CERKL: variants seen among roughly 807,000 people sequenced by gnomAD.
The protein encoded by CERKL is CERK like autophagy regulator.
In CERKL, 61 loss-of-function variants were observed where a neutral mutation model predicts 63.4. The observed-to-expected ratio is 0.96, with a 90% confidence interval of 0.78 to 1.19. The LOEUF (loss-of-function observed/expected upper bound fraction) is 1.19, where lower values mean the gene tolerates loss of function less well. Among genes scored for constraint, CERKL ranks in the 50% most tolerant of loss-of-function variants. CERKL has a pLI of 0.00. For synonymous variants in CERKL, 250 were observed against 230.5 expected (o/e 1.08, Z -0.77); for missense variants, 675 against 655.5 (o/e 1.03, Z -0.33).
chr2:181,654,370 C>T (rs1243389470), intron 1 of CERKL, among the ~76,000 whole-genome samples: 1 of 152,174 alleles, frequency 6.6e-6, no homozygotes, highest in Non-Finnish European at 1.5e-5. Flanking sequence ...CCAATTTTGG[C>T]AGTCAGAGCC....
intron 1 of CERKL, among the ~76,000 whole-genome samples, chr2:181,642,602 A>T (rs1354449443): frequency 6.6e-6 from 1 of 152,200 alleles, no homozygotes; most frequent in Non-Finnish European, 1.5e-5. Context: ...TCACTGCTCT[A>T]ATTCAGCTGA....
intron 3 of CERKL, among the ~76,000 whole-genome samples, chr2:181,566,899 A>T (rs1165977005): frequency 6.6e-6 from 1 of 152,086 alleles, no homozygotes; most frequent in Non-Finnish European, 1.5e-5. Context: ...CCCATCAAAG[A>T]TTTCTGCTGA....
chr2:181,632,108 T>A (rs1167204242), intron 1 of CERKL, among the ~76,000 whole-genome samples: 1 of 152,226 alleles, frequency 6.6e-6, no homozygotes, highest in Non-Finnish European at 1.5e-5. Flanking sequence ...CTAGTTTTTG[T>A]ATCTTTGCCT....
chr2:181,611,155 G>A (rs1477714397), intron 1 of CERKL, among the ~76,000 whole-genome samples: 2 of 151,906 alleles, frequency 1.3e-5, no homozygotes, highest in African/African-American at 2.4e-5. Context: ...CCCAGGAGGC[G>A]GAGGTTGCAG....
At chr2:181,594,977 A>G (rs772205888) in intron 2 of CERKL, among the ~76,000 whole-genome samples, 1 of 152,176 alleles carries the variant, frequency 6.6e-6, no homozygotes, top group South Asian at 2.1e-4. Flanking sequence ...CCTAATTTAA[A>G]GTATTATGTA....
rs374128541 is a variant in CERKL, at chr2:181,537,913, A to G, written c.*271T>C. On this transcript the variant is annotated 3_prime_UTR_variant, in exon 13 of 13. Transcript: ENST00000410087. ...GCATTACTGAGTTCCTCCCCCTGTC[A>G]GATCAGCAGCAGCATTAGATTCTCA... is the stretch of plus-strand genomic sequence containing the variant. 23 of 577,076 alleles carry G rather than the reference A, an allele frequency of 4.0e-5. No homozygotes were observed. Among genetic ancestry groups the G allele is most frequent in the African/African-American group, 2.8e-4 (15 of 54,426 alleles). 35.7% of individuals were successfully genotyped at this position (577,076 alleles called of 1,614,324 possible). A position where few individuals can be genotyped will look rare whatever the true frequency, so the allele number is the denominator to read the frequency against.
chr2:181,556,021 G>A (rs988383839), intron 5 of CERKL, among the ~76,000 whole-genome samples: 1 of 151,746 alleles, frequency 6.6e-6, no homozygotes, highest in African/African-American at 2.4e-5. Flanking sequence ...CAAAGTGCTG[G>A]GATTACAGGT....
intron 3 of CERKL, among the ~76,000 whole-genome samples, chr2:181,568,046 G>A (rs1362540872): frequency 6.6e-6 from 1 of 152,158 alleles, no homozygotes; most frequent in Admixed American, 6.6e-5. Flanking sequence ...ACAGTTTACA[G>A]GTCTTTGAAC....
intron 1 of CERKL, among the ~76,000 whole-genome samples, chr2:181,634,421 T>C (rs1416792224): frequency 6.6e-6 from 1 of 152,182 alleles, no homozygotes; most frequent in Non-Finnish European, 1.5e-5. Context: ...CAACACATTA[T>C]GTTGCAACAG....
Position 181,537,119 on chromosome 2 carries a change from A to AT in CERKL, c.*1064dup. On this transcript the variant is annotated 3_prime_UTR_variant, in exon 13 of 13. Transcript: ENST00000410087. ...GGAATAAACTTTATGACATTTATGT[A>AT]TTTTTAAAAAACTTTGTATCGTTAT... 1 of 453,052 alleles carries AT rather than the reference A, an allele frequency of 2.2e-6. No individual in the cohort carries two copies. Among genetic ancestry groups the AT allele is most frequent in the Non-Finnish European group, 4.4e-6 (1 of 226,506 alleles). 28.1% of individuals were successfully genotyped at this position (453,052 alleles called of 1,614,324 possible).
intron 11 of CERKL, among the ~76,000 whole-genome samples, chr2:181,544,369 A>AT (rs1468889476): frequency 2.6e-5 from 4 of 152,122 alleles, no homozygotes; most frequent in Non-Finnish European, 4.4e-5. Context: ...AAACTCTCAA[A>AT]TTTCACTTCT....
intron 3 of CERKL, 73 bp downstream of exon 3, chr2:181,573,680 A>T: frequency 1.4e-6 from 2 of 1,423,460 alleles, no homozygotes; most frequent in Non-Finnish European, 2.0e-6. Flanking sequence ...AGTTTGCATT[A>T]AGGACAAATT....
intron 1 of CERKL, among the ~76,000 whole-genome samples, chr2:181,616,597 T>C (rs1366127834): frequency 6.6e-6 from 1 of 152,222 alleles, no homozygotes; most frequent in Non-Finnish European, 1.5e-5. Flanking sequence ...ATTAAAAATG[T>C]TAAATTACAT....
chr2:181,597,969 T>C (rs1273679722), intron 2 of CERKL, among the ~76,000 whole-genome samples: 1 of 152,020 alleles, frequency 6.6e-6, no homozygotes, highest in Non-Finnish European at 1.5e-5. Flanking sequence ...TGCCAATCGC[T>C]AAAGGGGGCA....
At chr2:181,575,556 CAAGAG>C (rs1278312828) in intron 2 of CERKL, among the ~76,000 whole-genome samples, 2 of 152,084 alleles carry the variant, frequency 1.3e-5, no homozygotes, top group East Asian at 3.9e-4. Context: ...GAAAAGGCTT[CAAGAG>C]AAGGGAGTAT....
chr2:181,589,480 G>A (rs1030847282), intron 2 of CERKL, among the ~76,000 whole-genome samples: 3 of 152,084 alleles, frequency 2.0e-5, no homozygotes, highest in African/African-American at 7.2e-5. Context: ...GAAGCTTTAC[G>A]CCTATGTTTT....
At position 181,615,009 on chromosome 2, in the gene CERKL, G is replaced by A. The variant is rs537965696; in HGVS notation, c.239-10930C>T. On this transcript the variant is annotated intron_variant, in intron 1 of 12. Transcript: ENST00000410087. ...GTGGTTTATTATTTGAAATCTACTGGTTCATTAGTATCATACTGGTTATAG... is the reference window on the plus strand; with the variant it reads ...GTGGTTTATTATTTGAAATCTACTGATTCATTAGTATCATACTGGTTATAG... Among the ~76,000 whole-genome samples the A allele has an allele frequency of 5.7e-4, 86 of 152,154 alleles. No individual in the cohort carries two copies. The Middle Eastern group carries it at 0.02, about 36-fold the overall frequency.
At chr2:181,589,916 C>G (rs1684919658) in intron 2 of CERKL, among the ~76,000 whole-genome samples, 1 of 152,078 alleles carries the variant, frequency 6.6e-6, no homozygotes, top group Admixed American at 6.6e-5. Flanking sequence ...CCTTGACCTC[C>G]CCAGGCTCAT....
Position 181,624,407 on chromosome 2 carries a change from T to C in CERKL, c.239-20328A>G, listed in dbSNP as rs1180795387. Among the ~76,000 whole-genome samples the C allele has an allele frequency of 2.0e-5, 3 of 151,044 alleles. No homozygotes were observed. The East Asian group carries it at 5.8e-4, about 29-fold the overall frequency. On this transcript the variant is annotated intron_variant, in intron 1 of 12. Coordinates refer to ENST00000410087, the MANE Select transcript of CERKL (RefSeq NM_201548.5). The stretch of plus-strand genomic sequence containing the variant: ...AAAAAATTAGTCAAGTGTGGTTGTG[T>C]GCCTGTAGTCCTAGCTACTGGAGAA...
Sources: gnomAD v4.1 joint callset for allele counts (sites outside exome capture counted in the v4.1 genomes callset) on GRCh38, gnomAD v4.1.1 for gene constraint, MANE v1.5 for transcripts, NCBI Gene and HGNC (gene_info 2026-07-23, HGNC 2026-07-21) for gene names.